The following ZNF862 variants were observed in gnomAD, a reference collection of about 807,000 sequenced individuals.
ZNF862 encodes the protein zinc finger protein 862.
A neutral mutation model predicts 91.1 loss-of-function variants in ZNF862; 64 were observed. The observed-to-expected ratio is 0.70, with a 90% CI of 0.57 to 0.87. The LOEUF (loss-of-function observed/expected upper bound fraction) is 0.87. ZNF862 is among the 40% of genes least tolerant of loss of function. The pLI is 0.00. For missense variants in ZNF862, 1,459 were observed against 1,528.0 expected (o/e 0.95, Z 0.75); for synonymous variants, 631 against 618.1 (o/e 1.02, Z -0.31).
At chr7:149,857,138 T>G (rs531680246) in intron 5 of ZNF862, among the ~76,000 whole-genome samples, 7 of 152,316 alleles carry the variant, frequency 4.6e-5, no homozygotes, top group African/African-American at 4.8e-5. Context: ...TCTTTTTTTT[T>G]GGGTATCTGG....
chr7:149,859,804 G>C (rs893350848), intron 6 of ZNF862: 5 of 387,252 alleles, frequency 1.3e-5, no homozygotes, highest in Non-Finnish European at 2.3e-5. Flanking sequence ...GGGGACACTG[G>C]TCTCGAGGAG....
At chr7:149,841,657 A>C (rs1454409950) in intron 1 of ZNF862, 1 of 985,212 alleles carries the variant, frequency 1.0e-6, no homozygotes, top group Non-Finnish European at 1.2e-6. Context: ...TGTGCCTCCT[A>C]GGAGACTGTG....
At chr7:149,839,150 G>C (rs1183501888) in intron 1 of ZNF862, among the ~76,000 whole-genome samples, 1 of 152,220 alleles carries the variant, frequency 6.6e-6, no homozygotes, top group African/African-American at 2.4e-5. Flanking sequence ...TTAGAAACCT[G>C]TGTCATAAAT....
In ZNF862 at chr7:149,864,443, G is replaced by A; in HGVS notation, c.*159G>A. 2 of 705,932 alleles carry A rather than the reference G, an allele frequency of 2.8e-6. No homozygotes were observed. Among genetic ancestry groups the A allele is most frequent in the South Asian group, 1.9e-5 (1 of 51,574 alleles). 43.7% of individuals were successfully genotyped at this position (705,932 alleles called of 1,614,324 possible). ...TCCCAGAGCAGCAGGGGTATCAGGA[G>A]GTGCATGACCTGTTTCCTGAGGCCC... On this transcript the variant is annotated 3_prime_UTR_variant, in exon 8 of 8. Coordinates refer to ENST00000223210, the MANE Select transcript of ZNF862 (RefSeq NM_001099220.3).
chr7:149,861,475 C>T lies in ZNF862; in HGVS notation c.2315C>T (p.Ala772Val), dbSNP rs572384463. ...KRLNELQEGA[A>V]PLEQEIIRLK... ...CTGAACGAGCTGCAGGAAGGTGCGG[C>T]GCCTCTGGAGCAGGAGATCATCCGC... The change falls in exon 7 of 8, where the codon GCG becomes GTG. Residue 772 changes from alanine to valine, a missense_variant. Transcript: ENST00000223210. The surrounding 1 kb of genome is among the most constrained non-coding windows in gnomAD (Gnocchi z 6.7). 38 of 1,612,928 alleles carry T rather than the reference C, an allele frequency of 2.4e-5. No individual in the cohort carries two copies. Among genetic ancestry groups the T allele is most frequent in the Non-Finnish European group, 2.8e-5 (33 of 1,179,718 alleles).
Position 149,859,488 on chromosome 7 carries a change from A to C in ZNF862, c.1184A>C (p.Asp395Ala). 1 of 1,586,616 alleles carries C rather than the reference A, an allele frequency of 6.3e-7. No individual in the cohort carries two copies. The highest frequency in any genetic ancestry group is 8.6e-7 in the Non-Finnish European group (1 of 1,165,792). The part of the protein sequence containing the change: ...LERRAAPWIK[D>A]PNGPKWGKGR... ...CGGAGGGCTGCACCCTGGATCAAGG[A>C]CCCAAATGGGCCAAAGTGGGGGAAA... is the stretch of plus-strand genomic sequence containing the variant. Residue 395 changes from aspartate to alanine, a missense_variant, in exon 6 of 8, where the codon GAC (aspartate) becomes GCC (alanine). Asp to Ala is a moderately radical substitution (Grantham distance 126). Coordinates refer to ENST00000223210, the MANE Select transcript of ZNF862 (RefSeq NM_001099220.3).
chr7:149,861,491 G>C lies in ZNF862; in HGVS notation c.2331G>C (p.Glu777Asp). Residue 777 changes from glutamate to aspartate, a missense_variant, in exon 7 of 8, where the codon GAG becomes GAC. Physicochemically the swap from Glu to Asp is conservative, Grantham distance 45. Transcript: ENST00000223210. The surrounding 1 kb of genome is among the most constrained non-coding windows in gnomAD (Gnocchi z 6.7). ...LQEGAAPLEQ[E>D]IIRLKDLNAV... ...AAGGTGCGGCGCCTCTGGAGCAGGA[G>C]ATCATCCGCCTGAAGGATCTGAATG... is the stretch of plus-strand genomic sequence containing the variant. 1 of 1,612,480 alleles carries C rather than the reference G, an allele frequency of 6.2e-7. No individual in the cohort carries two copies. Among genetic ancestry groups the C allele is most frequent in the Non-Finnish European group, 8.5e-7 (1 of 1,179,540 alleles).
At chr7:149,852,717 C>T (rs752696857) in intron 5 of ZNF862, 1 of 152,252 alleles carries the variant, frequency 6.6e-6, no homozygotes, top group East Asian at 1.9e-4. Flanking sequence ...AGCCAGAAAT[C>T]TCAATTACAT....
rs756129579 is a variant in ZNF862 at position 149,848,199 on chromosome 7, A to C, written c.706A>C (p.Thr236Pro). 2.3e-5 allele frequency: 37 copies of C among 1,613,998 alleles called. No individual in the cohort carries two copies. In the Middle Eastern group the frequency reaches 1.5e-3, roughly 65 times the overall value. Residue 236 changes from threonine (T) to proline (P), a missense_variant, in exon 4 of 8, where the codon ACT becomes CCT. By Grantham distance (38) the Thr-to-Pro change is conservative (BLOSUM62 -1). Coordinates refer to ENST00000223210, the MANE Select transcript of ZNF862 (RefSeq NM_001099220.3). ...TCTGGCCAGCCCGGAGCCGCTCTTC[A>C]CTGCAGATTGCCCCATATTCTACCC... ...DVLASPEPLFTADCPIFYPPG... is the reference protein window; with the variant it reads ...DVLASPEPLFPADCPIFYPPG...
intron 2 of ZNF862, 50 bp downstream of exon 2, chr7:149,844,786 CCCAA>C: frequency 7.9e-7 from 1 of 1,258,174 alleles, no homozygotes; most frequent in Admixed American, 2.0e-5. Context: ...GATCGGCATT[CCCAA>C]CCTCATCTGC....
Position 149,849,353 on chromosome 7 carries a change from G to T in ZNF862, c.940-808G>T, listed in dbSNP as rs557035496. On this transcript the variant is annotated intron_variant, in intron 4 of 7. Transcript: ENST00000223210. ...AGCCCATGCTTTCCTTCCACTCCCC[G>T]CAGCACTGCTGGGCACTAAAGTACT... Among the ~76,000 whole-genome samples the T allele has an allele frequency of 6.6e-5, 10 of 152,256 alleles. No individual in the cohort carries two copies. In the South Asian group the frequency reaches 2.1e-3, roughly 32 times the overall value.
In ZNF862 at chr7:149,859,483, C is replaced by G. The variant is rs1004423608; in HGVS notation, c.1179C>G (p.Ile393Met). 3 of 1,587,176 alleles carry G rather than the reference C, an allele frequency of 1.9e-6. No individual in the cohort carries two copies. The African/African-American group carries it at 4.0e-5, about 21-fold the overall frequency. Residue 393 changes from isoleucine (I) to methionine (M), a missense_variant, in exon 6 of 8, where the codon ATC (isoleucine) becomes ATG (methionine). Transcript: ENST00000223210. ...SKLERRAAPW[I>M]KDPNGPKWGK... The stretch of plus-strand genomic sequence containing the variant: ...TGGAGCGGAGGGCTGCACCCTGGAT[C>G]AAGGACCCAAATGGGCCAAAGTGGG...
chr7:149,861,898 CG>C lies in ZNF862; in HGVS notation c.2740del (p.Glu914AsnfsTer13), dbSNP rs922583239. On this transcript the variant is annotated frameshift_variant, in exon 7 of 8. Coordinates refer to ENST00000223210, the MANE Select transcript of ZNF862 (RefSeq NM_001099220.3). LOFTEE classifies it high-confidence loss of function. This position sits in a 1 kb window ranked among gnomAD's most constrained non-coding sequence, Gnocchi z 6.7. ...ATCTGCTTGGACAAACTGGAGGTAG[CG>C]GAACAGCGGTTCCAGGCGGATAGGG... ...HGICLDKLEV[A>X]EQRFQADRER... The C allele has an allele frequency of 1.1e-5, 17 of 1,613,518 alleles. No homozygotes were observed. Among genetic ancestry groups the C allele is most frequent in the Non-Finnish European group, 1.4e-5 (17 of 1,179,882 alleles).
intron 5 of ZNF862, among the ~76,000 whole-genome samples, chr7:149,858,125 A>G (rs1418606603): frequency 1.3e-5 from 2 of 152,116 alleles, no homozygotes; most frequent in Non-Finnish European, 2.9e-5. Context: ...CCCATCCACC[A>G]CGTTCTCCCA....
intron 2 of ZNF862, among the ~76,000 whole-genome samples, chr7:149,845,357 A>G (rs1045569588): frequency 7.9e-5 from 12 of 152,162 alleles, no homozygotes; most frequent in Admixed American, 2.0e-4. Context: ...ACACATATGC[A>G]CTGTTTGCTG....
At chr7:149,844,891 A>G in intron 2 of ZNF862, 155 bp downstream of exon 2, 1 of 589,944 alleles carries the variant, frequency 1.7e-6, no homozygotes, top group Non-Finnish European at 3.0e-6. Context: ...ATCTACCTTA[A>G]TTGCATGCAA....
Position 149,860,976 on chromosome 7 carries a change from A to C in ZNF862, c.1816A>C (p.Ile606Leu). The change falls in exon 7 of 8, where the codon ATC becomes CTC. Residue 606 changes from isoleucine (I) to leucine (L), a missense_variant. By Grantham distance (5) the Ile-to-Leu change is conservative. Coordinates refer to ENST00000223210, the MANE Select transcript of ZNF862 (RefSeq NM_001099220.3). ...RTACTQFIKY[I>L]SETLKREILE... The stretch of plus-strand genomic sequence containing the variant: ...GGCGTGCACTCAGTTCATCAAGTAC[A>C]TCTCAGAGACCCTGAAGAGGGAGAT... 6.2e-7 allele frequency: 1 copy of C among 1,613,588 alleles called. No individual in the cohort carries two copies. The highest frequency in any genetic ancestry group is 8.5e-7 in the Non-Finnish European group (1 of 1,179,796).
At position 149,860,665 on chromosome 7, in the gene ZNF862, G is replaced by A. The variant is rs748196410; in HGVS notation, c.1505G>A (p.Arg502Gln). ...CCTAATCTCCATGATAAATCATCTCGGTTAGTCAGAGGTTACACGGGGCCT... is the reference window on the plus strand; with the variant it reads ...CCTAATCTCCATGATAAATCATCTCAGTTAGTCAGAGGTTACACGGGGCCT... Reference protein sequence around the residue: ...ERPNLHDKSSRLVRGYTGPFK... With the variant: ...ERPNLHDKSSQLVRGYTGPFK... Residue 502 changes from arginine to glutamine, a missense_variant, in exon 7 of 8, where the codon CGG becomes CAG. Coordinates refer to ENST00000223210, the MANE Select transcript of ZNF862 (RefSeq NM_001099220.3). 1.9e-6 allele frequency: 3 copies of A among 1,613,812 alleles called. No individual in the cohort carries two copies. Among genetic ancestry groups the A allele is most frequent in the Non-Finnish European group, 8.5e-7 (1 of 1,179,900 alleles).
intron 7 of ZNF862, 128 bp downstream of exon 7, chr7:149,862,622 G>C: frequency 1.9e-6 from 2 of 1,041,668 alleles, no homozygotes. Context: ...GTGGGTACTC[G>C]ATGCGTGACA....
Sources: allele counts gnomAD v4.1 joint callset (sites outside exome capture counted in the v4.1 genomes callset), GRCh38; gene constraint gnomAD v4.1.1; non-coding constraint Gnocchi (gnomAD v3.1); transcripts MANE v1.5; gene names NCBI Gene and HGNC (gene_info 2026-07-23, HGNC 2026-07-21).